The following GRK5 variants were observed in gnomAD, a reference collection of about 807,000 sequenced individuals.
GRK5 encodes the protein G protein-coupled receptor kinase 5.
A neutral mutation model predicts 78.4 loss-of-function variants in GRK5; 40 were observed. The ratio of observed to expected loss-of-function variants is 0.51; its 90% confidence interval spans 0.40 to 0.66. The LOEUF is 0.66. Among genes scored for constraint, GRK5 ranks in the 30% least tolerant of loss-of-function variants. The pLI is 0.00. For synonymous variants in GRK5, 289 were observed against 296.8 expected (o/e 0.97, Z 0.27); for missense variants, 598 against 759.9 (o/e 0.79, Z 2.50).
In GRK5 at chr10:119,445,104, G is replaced by T. The variant is rs990190863; in HGVS notation, c.1266+1352G>T. Among the ~76,000 whole-genome samples the T allele has an allele frequency of 3.9e-5, 6 of 152,168 alleles. No individual in the cohort carries two copies. The highest frequency in any genetic ancestry group is 8.8e-5 in the Non-Finnish European group (6 of 68,036). On this transcript the variant is annotated intron_variant, in intron 12 of 15. Transcript: ENST00000392870. This position sits in a 1 kb window ranked among gnomAD's most constrained non-coding sequence, Gnocchi z 4.1. ...CCACACTCTAACCCCACAGCTGTTG[G>T]CCCGCCATGCAGCTGGGGCCTCAGA... is the stretch of plus-strand genomic sequence containing the variant.
intron 4 of GRK5, among the ~76,000 whole-genome samples, chr10:119,415,866 C>T (rs1852439039): frequency 6.6e-6 from 1 of 152,216 alleles, no homozygotes. Context: ...TCTCAGTTTC[C>T]CCATCTGTGC....
chr10:119,326,632 G>C (rs1428552435), intron 2 of GRK5, 21 bp downstream of exon 2: 1 of 1,570,564 alleles, frequency 6.4e-7, no homozygotes, highest in African/African-American at 1.4e-5. Context: ...CTGCCTGGGG[G>C]CTGTGCGGGG....
intron 1 of GRK5, among the ~76,000 whole-genome samples, chr10:119,290,053 C>A (rs10886439): frequency 0.85 from 129,590 of 152,134 alleles, 55,264 homozygotes; most frequent in East Asian, 0.99. Context: ...TCCTGGAAGA[C>A]TATCTGTTCC....
intron 2 of GRK5, among the ~76,000 whole-genome samples, chr10:119,331,612 G>C (rs185796089): frequency 2.0e-5 from 3 of 152,230 alleles, no homozygotes; most frequent in African/African-American, 7.2e-5. Context: ...GCCCCTTTAG[G>C]GTGTGAGGTG....
At chr10:119,277,627 G>T (rs1191548667) in intron 1 of GRK5, among the ~76,000 whole-genome samples, 1 of 152,064 alleles carries the variant, frequency 6.6e-6, no homozygotes, top group Non-Finnish European at 1.5e-5. Flanking sequence ...TGAGAAGTTA[G>T]GATATATCCA....
chr10:119,255,467 C>T (rs185967227), intron 1 of GRK5, among the ~76,000 whole-genome samples: 21 of 152,296 alleles, frequency 1.4e-4, no homozygotes, highest in Non-Finnish European at 2.5e-4. Context: ...TCTGTTTGGA[C>T]TGAGTGGTGG....
At chr10:119,418,804 G>T (rs377444422) in intron 4 of GRK5, among the ~76,000 whole-genome samples, 2 of 152,150 alleles carry the variant, frequency 1.3e-5, no homozygotes, top group African/African-American at 4.8e-5. Flanking sequence ...GACCTGAGGG[G>T]GTCCCGGACC....
chr10:119,426,576 G>A (rs1212476010), intron 6 of GRK5, among the ~76,000 whole-genome samples: 1 of 152,194 alleles, frequency 6.6e-6, no homozygotes, highest in Non-Finnish European at 1.5e-5. Context: ...GATAAGATAA[G>A]CACAACACCT....
At chr10:119,410,341 C>T (rs547345268) in intron 4 of GRK5, among the ~76,000 whole-genome samples, 100 of 152,320 alleles carry the variant, frequency 6.6e-4, no homozygotes, top group African/African-American at 2.2e-3. Context: ...GACCCCTAAG[C>T]GCACTTCTTC....
intron 1 of GRK5, among the ~76,000 whole-genome samples, chr10:119,251,897 A>G (rs748133878): frequency 1.3e-5 from 2 of 152,244 alleles, no homozygotes; most frequent in Non-Finnish European, 2.9e-5. Flanking sequence ...TTGGTGGTCT[A>G]GAATTTGCAA....
At chr10:119,408,199 G>C (rs975118608) in intron 4 of GRK5, among the ~76,000 whole-genome samples, 1 of 150,486 alleles carries the variant, frequency 6.6e-6, no homozygotes, top group Non-Finnish European at 1.5e-5. Flanking sequence ...AATTAGGTGG[G>C]TATGGTGGCG....
chr10:119,326,313 C>T (rs1850677904), intron 1 of GRK5, among the ~76,000 whole-genome samples: 1 of 152,190 alleles, frequency 6.6e-6, no homozygotes, highest in Admixed American at 6.5e-5. Flanking sequence ...TCAGGCAGGA[C>T]TGTGCGGGAT....
intron 1 of GRK5, among the ~76,000 whole-genome samples, chr10:119,266,175 G>A (rs1347924724): frequency 6.6e-6 from 1 of 152,206 alleles, no homozygotes; most frequent in Non-Finnish European, 1.5e-5. Flanking sequence ...ATGCTGGCTG[G>A]ATGGGCGCGA....
chr10:119,319,825 G>A (rs978713010), intron 1 of GRK5, among the ~76,000 whole-genome samples: 1 of 152,218 alleles, frequency 6.6e-6, no homozygotes, highest in African/African-American at 2.4e-5. Context: ...CCTCCTGAAT[G>A]AGGGCCAAAT....
At chr10:119,444,855 G>C (rs1191778856) in intron 12 of GRK5, among the ~76,000 whole-genome samples, 4 of 152,222 alleles carry the variant, frequency 2.6e-5, no homozygotes, top group Admixed American at 2.0e-4. Context: ...GCAACTCCCG[G>C]AGTTTAGGAA....
chr10:119,421,688 T>C (rs1411951899), intron 4 of GRK5, among the ~76,000 whole-genome samples: 1 of 152,192 alleles, frequency 6.6e-6, no homozygotes, highest in Non-Finnish European at 1.5e-5. Context: ...TGGCCTGCAC[T>C]TGGGTAAGTG....
rs115949906 is a variant in GRK5, at chr10:119,219,883, A to G, written c.52+11914A>G. Reference sequence around the variant, plus strand: ...TCCCTTTTTTGGCCAAATCGAAGGTAACTTTCGATGTGAGCTTCACATGCT... The same window carrying G: ...TCCCTTTTTTGGCCAAATCGAAGGTGACTTTCGATGTGAGCTTCACATGCT... On this transcript the variant is annotated intron_variant, in intron 1 of 15. Transcript: ENST00000392870. Among the ~76,000 whole-genome samples, 172 of 152,334 alleles carry G rather than the reference A, an allele frequency of 1.1e-3. 3 individuals carry two copies. The highest frequency in any genetic ancestry group is 3.9e-3 in the African/African-American group (161 of 41,570).
At chr10:119,321,188 C>T (rs1027506782) in intron 1 of GRK5, among the ~76,000 whole-genome samples, 2 of 152,266 alleles carry the variant, frequency 1.3e-5, no homozygotes, top group African/African-American at 4.8e-5. Context: ...TTTCATGGCA[C>T]TTTTAGAGGA....
intron 1 of GRK5, among the ~76,000 whole-genome samples, chr10:119,309,779 C>T (rs565695867): frequency 2.0e-5 from 3 of 152,262 alleles, no homozygotes; most frequent in East Asian, 3.8e-4. Flanking sequence ...TTTGGGGGAA[C>T]GTTCTTAGGA....
Sources: allele counts gnomAD v4.1 joint callset (sites outside exome capture counted in the v4.1 genomes callset), GRCh38; gene constraint gnomAD v4.1.1; non-coding constraint Gnocchi (gnomAD v3.1); transcripts MANE v1.5; gene names NCBI Gene and HGNC (gene_info 2026-07-23, HGNC 2026-07-21).